The following ARHGAP10 variants were observed in gnomAD, a reference collection of about 807,000 sequenced individuals.
ARHGAP10 encodes rho GTPase-activating protein 10.
Under a neutral mutation model 108.6 loss-of-function variants are expected in ARHGAP10, and 87 were observed. The observed-to-expected ratio is 0.80, with a 90% CI of 0.67 to 0.96. The LOEUF (loss-of-function observed/expected upper bound fraction) is 0.96. Among genes scored for constraint, ARHGAP10 ranks in the 40% least tolerant of loss-of-function variants. The pLI is 0.00. For missense variants in ARHGAP10, 939 were observed against 954.5 expected (o/e 0.98, Z 0.21); for synonymous variants, 347 against 341.1 (o/e 1.02, Z -0.19).
intron 1 of ARHGAP10, among the ~76,000 whole-genome samples, chr4:147,817,453 T>C (rs1732298018): frequency 6.6e-6 from 1 of 152,200 alleles, no homozygotes; most frequent in South Asian, 2.1e-4. Context: ...GAAATAATTT[T>C]CTCAGTTGTA....
chr4:148,033,338 G>T (rs538914595), intron 19 of ARHGAP10, among the ~76,000 whole-genome samples: 1 of 152,292 alleles, frequency 6.6e-6, no homozygotes, highest in East Asian at 1.9e-4. Context: ...GCCATCCTGG[G>T]ATGATAAAGA....
At position 147,745,909 on chromosome 4, in the gene ARHGAP10, C is replaced by T. The variant is rs10002113; in HGVS notation, c.154+13454C>T. 9.2e-3 allele frequency among the ~76,000 whole-genome samples: 1,389 copies of T among 151,748 alleles called. 13 individuals are homozygous for T. Among genetic ancestry groups the T allele is most frequent in the African/African-American group, 0.032 (1,320 of 41,356 alleles). ...TCAAGCGATTCTCCTGCCTCAGCCT[C>T]CTGAGTAGCTGGGATTACCGGTGTG... is the stretch of plus-strand genomic sequence containing the variant. On this transcript the variant is annotated intron_variant, in intron 1 of 22. Transcript: ENST00000336498.
At chr4:148,040,061 C>T (rs1728563358) in intron 19 of ARHGAP10, among the ~76,000 whole-genome samples, 1 of 152,198 alleles carries the variant, frequency 6.6e-6, no homozygotes, top group Non-Finnish European at 1.5e-5. Context: ...TTGGATCCAT[C>T]TTCTCCCCTT....
chr4:148,016,366 G>C (rs1018306992), intron 18 of ARHGAP10, among the ~76,000 whole-genome samples: 34 of 151,974 alleles, frequency 2.2e-4, no homozygotes, highest in Admixed American at 2.2e-3. Flanking sequence ...ACTTGGTTGT[G>C]GTGGCACGCG....
intron 1 of ARHGAP10, among the ~76,000 whole-genome samples, chr4:147,781,311 A>G (rs1024231399): frequency 1.3e-5 from 2 of 152,026 alleles, no homozygotes; most frequent in African/African-American, 4.8e-5. Flanking sequence ...GCCAGAAACT[A>G]TTGGGGGATA....
chr4:147,742,904 C>CTT (rs11419792), intron 1 of ARHGAP10, among the ~76,000 whole-genome samples: 1,789 of 144,660 alleles, frequency 0.012, 19 homozygotes, highest in East Asian at 0.03. Context: ...TACTGAAAGC[C>CTT]TTTTTTTTTT....
intron 16 of ARHGAP10, among the ~76,000 whole-genome samples, chr4:147,962,363 G>A (rs1004990222): frequency 6.6e-6 from 1 of 152,196 alleles, no homozygotes; most frequent in Non-Finnish European, 1.5e-5. Context: ...GTGATTGAGT[G>A]CCCACATGTG....
chr4:147,793,516 C>T (rs1016053792), intron 1 of ARHGAP10, among the ~76,000 whole-genome samples: 2 of 152,006 alleles, frequency 1.3e-5, no homozygotes, highest in Non-Finnish European at 2.9e-5. Context: ...AGGAGTTGGA[C>T]CTGGGATCTC....
At chr4:147,830,835 T>G (rs1408612962) in intron 3 of ARHGAP10, among the ~76,000 whole-genome samples, 1 of 152,214 alleles carries the variant, frequency 6.6e-6, no homozygotes, top group Non-Finnish European at 1.5e-5. Context: ...CACAGTTAAC[T>G]TTTGCACTTA....
intron 13 of ARHGAP10, among the ~76,000 whole-genome samples, chr4:147,919,057 T>C (rs1737114019): frequency 6.6e-6 from 1 of 152,254 alleles, no homozygotes; most frequent in Admixed American, 6.5e-5. Flanking sequence ...TCCTTACCTC[T>C]TTCTTAACAT....
At chr4:147,941,441 T>A (rs909136401) in intron 14 of ARHGAP10, among the ~76,000 whole-genome samples, 3 of 152,210 alleles carry the variant, frequency 2.0e-5, no homozygotes, top group African/African-American at 7.2e-5. Flanking sequence ...AAGGTGTTTT[T>A]AAATATCTAA....
In ARHGAP10 at chr4:147,853,089, G is replaced by A. The variant is rs556940306; in HGVS notation, c.385-4464G>A. On this transcript the variant is annotated intron_variant, in intron 4 of 22. Transcript: ENST00000336498. ...TCACTCCTGTTCAGGGTCGCAGGTG[G>A]CTAGAGCCCATTTCAGCAGCTCAGA... Among the ~76,000 whole-genome samples the A allele has an allele frequency of 2.6e-5, 4 of 152,290 alleles. No homozygotes were observed. In the South Asian group the frequency reaches 8.3e-4, roughly 32 times the overall value.
intron 10 of ARHGAP10, among the ~76,000 whole-genome samples, chr4:147,885,182 G>C (rs1735495089): frequency 6.6e-6 from 1 of 152,088 alleles, no homozygotes; most frequent in South Asian, 2.1e-4. Flanking sequence ...AAATTAGTTT[G>C]GGTCATTGTA....
At chr4:148,012,569 T>C (rs1741207814) in intron 18 of ARHGAP10, among the ~76,000 whole-genome samples, 2 of 152,232 alleles carry the variant, frequency 1.3e-5, no homozygotes, top group Non-Finnish European at 2.9e-5. Flanking sequence ...TCTAAGCCCT[T>C]GTTTAGAAAC....
At chr4:147,961,506 T>A (rs1413594869) in intron 16 of ARHGAP10, among the ~76,000 whole-genome samples, 1 of 152,216 alleles carries the variant, frequency 6.6e-6, no homozygotes, top group Non-Finnish European at 1.5e-5. Context: ...CTCTGTGTTG[T>A]CCAAGATTTT....
At chr4:147,924,112 TC>T (rs1484729236) in intron 13 of ARHGAP10, among the ~76,000 whole-genome samples, 1 of 152,194 alleles carries the variant, frequency 6.6e-6, no homozygotes, top group African/African-American at 2.4e-5. Flanking sequence ...AAATAATAAA[TC>T]CAGGCACATC....
chr4:147,892,362 G>T (rs1268169145), intron 10 of ARHGAP10, among the ~76,000 whole-genome samples: 3 of 152,172 alleles, frequency 2.0e-5, no homozygotes. Context: ...GAGAATGTTT[G>T]TATAACACAT....
intron 1 of ARHGAP10, among the ~76,000 whole-genome samples, chr4:147,797,467 C>G (rs1176826708): frequency 6.6e-6 from 1 of 152,066 alleles, no homozygotes; most frequent in Non-Finnish European, 1.5e-5. Context: ...GGCTGGAGTG[C>G]AGTGGCACTA....
intron 1 of ARHGAP10, chr4:147,782,728 A>G (rs1186193129): frequency 6.6e-6 from 1 of 152,164 alleles, no homozygotes; most frequent in African/African-American, 2.4e-5. Context: ...CCAGTTTGCA[A>G]ACAGGAAAGA....
Sources: gnomAD v4.1 joint callset for allele counts (sites outside exome capture counted in the v4.1 genomes callset) on GRCh38, gnomAD v4.1.1 for gene constraint, MANE v1.5 for transcripts, NCBI Gene and HGNC (gene_info 2026-07-23, HGNC 2026-07-21) for gene names.